Variants in CHCHD6 observed in about 807,000 individuals in gnomAD.
CHCHD6 encodes MICOS complex subunit MIC25.
Under a neutral mutation model 32.3 loss-of-function variants are expected in CHCHD6, and 28 were observed. The observed-to-expected ratio is 0.87, with a 90% confidence interval of 0.64 to 1.19. The LOEUF (loss-of-function observed/expected upper bound fraction) is 1.19, where lower values mean the gene tolerates loss of function less well. Among genes scored for constraint, CHCHD6 ranks in the 50% most tolerant of loss-of-function variants. CHCHD6 has a pLI of 0.00. For synonymous variants in CHCHD6, 122 were observed against 117.5 expected, an observed-to-expected ratio of 1.04 and a Z score of -0.25; for missense variants, 333 against 307.0, an observed-to-expected ratio of 1.08 and a Z score of -0.63.
At chr3:126,791,036 CTAACAGTCAGGGTCCTCAGCTGCAGG>C (rs1269578095) in intron 4 of CHCHD6, among the ~76,000 whole-genome samples, 4 of 152,218 alleles carry the variant, frequency 2.6e-5, no homozygotes, top group African/African-American at 9.6e-5. Context: ...AGTTTCCCTT[CTAACAGTCAGGGTCCTCAGCTGCAGG>C]TCTGTTGGAG....
intron 5 of CHCHD6, among the ~76,000 whole-genome samples, chr3:126,869,784 T>C (rs2077440614): frequency 6.6e-6 from 1 of 152,230 alleles, no homozygotes; most frequent in South Asian, 2.1e-4. Context: ...ATTGTAAGTT[T>C]AAAAGCTCCC....
intron 4 of CHCHD6, among the ~76,000 whole-genome samples, chr3:126,746,140 A>G (rs1042742648): frequency 1.2e-4 from 19 of 152,164 alleles, no homozygotes; most frequent in African/African-American, 4.3e-4. Flanking sequence ...CGTATCAGGT[A>G]ACAAAGCTCT....
At chr3:126,842,284 A>G (rs780975896) in intron 4 of CHCHD6, among the ~76,000 whole-genome samples, 23 of 152,208 alleles carry the variant, frequency 1.5e-4, no homozygotes, top group Non-Finnish European at 2.4e-4. Flanking sequence ...CCCAGATCCA[A>G]AGAATCTTGG....
At chr3:126,898,676 T>C (rs1298253927) in intron 5 of CHCHD6, among the ~76,000 whole-genome samples, 1 of 152,182 alleles carries the variant, frequency 6.6e-6, no homozygotes, top group South Asian at 2.1e-4. Flanking sequence ...GTAGCTGGGA[T>C]TATAGGCACC....
chr3:126,914,717 A>C lies in CHCHD6; in HGVS notation c.533A>C (p.His178Pro). The change falls in exon 6 of 8, where the codon CAT (histidine) becomes CCT (proline). Residue 178 changes from histidine to proline, a missense_variant. By Grantham distance (77) the His-to-Pro change is moderately conservative. Coordinates refer to ENST00000290913, the MANE Select transcript of CHCHD6 (RefSeq NM_032343.3). ...EMYKLSSEQF[H>P]EAASKMESTI... ...TATAAACTGTCTTCAGAGCAATTCC[A>C]TGAGGCAGCCTCAAAGATGGAGAGC... is the stretch of plus-strand genomic sequence containing the variant. The C allele has an allele frequency of 6.3e-7, 1 of 1,597,582 alleles. No homozygotes were observed. The highest frequency in any genetic ancestry group is 8.6e-7 in the Non-Finnish European group (1 of 1,164,844).
At chr3:126,815,980 C>T (rs1939878932) in intron 4 of CHCHD6, among the ~76,000 whole-genome samples, 1 of 152,120 alleles carries the variant, frequency 6.6e-6, no homozygotes, top group Non-Finnish European at 1.5e-5. Context: ...AGGCACTTTC[C>T]CCCTTCCTCT....
chr3:126,865,115 T>C (rs1184062544), intron 5 of CHCHD6, among the ~76,000 whole-genome samples: 8 of 73,834 alleles, frequency 1.1e-4, no homozygotes, highest in African/African-American at 1.7e-4. Flanking sequence ...CCACCTCCAC[T>C]TCTTCCTCCT....
intron 4 of CHCHD6, among the ~76,000 whole-genome samples, chr3:126,823,970 G>T (rs1940268160): frequency 6.6e-6 from 1 of 152,076 alleles, no homozygotes; most frequent in Admixed American, 6.6e-5. Context: ...AGCTACTCAG[G>T]GTGCTGAAGC....
chr3:126,919,188 C>G (rs1300590335), intron 6 of CHCHD6, among the ~76,000 whole-genome samples: 2 of 151,610 alleles, frequency 1.3e-5, no homozygotes, highest in African/African-American at 4.9e-5. Flanking sequence ...ATGTAGTGTT[C>G]TGTATTGTCA....
chr3:126,838,694 CA>C (rs1940957057), intron 4 of CHCHD6, among the ~76,000 whole-genome samples: 1 of 152,166 alleles, frequency 6.6e-6, no homozygotes, highest in Non-Finnish European at 1.5e-5. Flanking sequence ...ACACCTACAG[CA>C]GGGCAGAATC....
At chr3:126,836,034 A>G (rs1393277047) in intron 4 of CHCHD6, among the ~76,000 whole-genome samples, 1 of 152,248 alleles carries the variant, frequency 6.6e-6, no homozygotes, top group Non-Finnish European at 1.5e-5. Flanking sequence ...CCTCTTGGGC[A>G]GCAGCCTTCC....
intron 5 of CHCHD6, among the ~76,000 whole-genome samples, chr3:126,872,630 C>G (rs1318537520): frequency 2.0e-5 from 3 of 152,164 alleles, no homozygotes; most frequent in African/African-American, 7.2e-5. Flanking sequence ...TCCACAGGCT[C>G]CAGGCATAGA....
At chr3:126,941,974 A>G (rs190802880) in intron 6 of CHCHD6, among the ~76,000 whole-genome samples, 4 of 152,206 alleles carry the variant, frequency 2.6e-5, no homozygotes, top group African/African-American at 9.7e-5. Context: ...GTCATGCATC[A>G]TCAGCTCCTT....
chr3:126,760,916 C>T (rs924090722), intron 4 of CHCHD6, among the ~76,000 whole-genome samples: 2 of 152,226 alleles, frequency 1.3e-5, no homozygotes, highest in African/African-American at 2.4e-5. Context: ...TCACTGTAAC[C>T]TCAAACTCCT....
intron 6 of CHCHD6, among the ~76,000 whole-genome samples, chr3:126,917,319 G>A (rs139663265): frequency 3.9e-5 from 6 of 152,340 alleles, no homozygotes; most frequent in Non-Finnish European, 8.8e-5. Context: ...CGTGGTCACA[G>A]CTGGTTCTGT....
chr3:126,842,677 AT>A (rs1338007910), intron 4 of CHCHD6, among the ~76,000 whole-genome samples: 7 of 152,274 alleles, frequency 4.6e-5, no homozygotes, highest in Non-Finnish European at 1.0e-4. Context: ...TGTATCACAC[AT>A]TTTTTTAAAC....
In CHCHD6 at chr3:126,715,580, GT is replaced by G. The variant is rs556546832; in HGVS notation, c.87+11182del. Among the ~76,000 whole-genome samples, 112 of 152,192 alleles carry G rather than the reference GT, an allele frequency of 7.4e-4. 2 individuals carry two copies. Among genetic ancestry groups the G allele is most frequent in the South Asian group, 2.1e-3 (10 of 4,820 alleles). ...CATCTTTCTAGAGAGGTAGCCTCTT[GT>G]AGCTTCCTGTGCAACCTGTTTGCCT... is the stretch of plus-strand genomic sequence containing the variant. On this transcript the variant is annotated intron_variant, in intron 1 of 7. Transcript: ENST00000290913.
chr3:126,839,511 A>T (rs1016139947), intron 4 of CHCHD6, among the ~76,000 whole-genome samples: 1 of 152,148 alleles, frequency 6.6e-6, no homozygotes, highest in East Asian at 1.9e-4. Flanking sequence ...TTCATTTATC[A>T]TTACAACATA....
chr3:126,809,435 T>C (rs1050968643), intron 4 of CHCHD6, among the ~76,000 whole-genome samples: 3 of 152,136 alleles, frequency 2.0e-5, no homozygotes, highest in Non-Finnish European at 4.4e-5. Flanking sequence ...AAATTTCTAC[T>C]GTGGAAATTT....
Sources: gnomAD v4.1 joint callset for allele counts (sites outside exome capture counted in the v4.1 genomes callset) on GRCh38, gnomAD v4.1.1 for gene constraint, MANE v1.5 for transcripts, NCBI Gene and HGNC (gene_info 2026-07-23, HGNC 2026-07-21) for gene names.